The following SOS1 variants were observed in gnomAD, a reference collection of about 807,000 sequenced individuals.
SOS1 encodes son of sevenless homolog 1.
SOS1 carries 25 observed loss-of-function variants against 157.6 expected under a neutral mutation model. The ratio of observed to expected loss-of-function variants is 0.16; its 90% confidence interval spans 0.12 to 0.22. The LOEUF is 0.22. Ranked by LOEUF, SOS1 falls within the 10% of genes least tolerant of loss-of-function variation. The pLI, the probability that SOS1 is intolerant of heterozygous loss-of-function variation, is 1.00. For missense variants in SOS1, 1,237 were observed against 1,599.1 expected (o/e 0.77, Z 3.86); for synonymous variants, 528 against 534.0 (o/e 0.99, Z 0.16).
chr2:39,116,372 ACTT>A (rs1673650519), intron 1 of SOS1, among the ~76,000 whole-genome samples: 1 of 152,082 alleles, frequency 6.6e-6, no homozygotes, highest in Non-Finnish European at 1.5e-5. Flanking sequence ...TGCCTTGTAA[ACTT>A]CTTTCAAATA....
rs117046515 is a variant in SOS1, at chr2:39,108,112, A to G, written c.87+12224T>C. Among the ~76,000 whole-genome samples the G allele has an allele frequency of 1.8e-3, 268 of 152,196 alleles. 3 individuals are homozygous for G. In the East Asian group the frequency reaches 0.022, roughly 13 times the overall value. The stretch of plus-strand genomic sequence containing the variant: ...AGACACCTCAGTCAGAAACCTGGGA[A>G]TCCTCTCACTGCCCTGCTCAATTCA... On this transcript the variant is annotated intron_variant, in intron 1 of 22. Coordinates refer to ENST00000402219, the MANE Select transcript of SOS1 (RefSeq NM_005633.4).
intron 15 of SOS1, among the ~76,000 whole-genome samples, chr2:39,008,101 G>C (rs1215393918): frequency 6.6e-6 from 1 of 152,180 alleles, no homozygotes; most frequent in Non-Finnish European, 1.5e-5. Flanking sequence ...TGTCCCTGCT[G>C]CCTGTTGCTG....
chr2:39,001,980 A>T (rs1177546340), intron 17 of SOS1, among the ~76,000 whole-genome samples: 1 of 152,212 alleles, frequency 6.6e-6, no homozygotes, highest in African/African-American at 2.4e-5. Context: ...CACCTTATGA[A>T]ATCATACTCT....
intron 8 of SOS1, among the ~76,000 whole-genome samples, chr2:39,026,341 T>A (rs1414862790): frequency 7.8e-6 from 1 of 128,514 alleles, no homozygotes; most frequent in Non-Finnish European, 1.6e-5. Context: ...GGCAACAGAG[T>A]GAGACTCCGT....
intron 1 of SOS1, among the ~76,000 whole-genome samples, chr2:39,074,595 C>T (rs1436103702): frequency 6.6e-6 from 1 of 152,058 alleles, no homozygotes; most frequent in Non-Finnish European, 1.5e-5. Context: ...TGGCTGGGCA[C>T]GGTGGCTCAT....
chr2:39,111,530 C>A (rs1349877610), intron 1 of SOS1, among the ~76,000 whole-genome samples: 2 of 152,068 alleles, frequency 1.3e-5, no homozygotes, highest in Admixed American at 1.3e-4. Context: ...GTAGTTGCCA[C>A]TTTTACTATT....
intron 12 of SOS1, 33 bp downstream of exon 12, chr2:39,013,832 TAA>T: frequency 6.3e-7 from 1 of 1,589,220 alleles, no homozygotes; most frequent in South Asian, 1.1e-5. Context: ...GAAAGTTTGA[TAA>T]AGACTTATTT....
intron 1 of SOS1, among the ~76,000 whole-genome samples, chr2:39,072,941 T>C (rs960408388): frequency 5.3e-5 from 8 of 152,054 alleles, no homozygotes; most frequent in Non-Finnish European, 1.2e-4. Flanking sequence ...GCAAGCAGAG[T>C]ACCAACTCCT....
chr2:39,046,783 G>C (rs1160317539), intron 6 of SOS1, among the ~76,000 whole-genome samples: 1 of 152,086 alleles, frequency 6.6e-6, no homozygotes, highest in Admixed American at 6.6e-5. Context: ...GATTACAGGT[G>C]CAAGCCACCG....
At chr2:39,106,094 C>A (rs1435822279) in intron 1 of SOS1, among the ~76,000 whole-genome samples, 1 of 151,660 alleles carries the variant, frequency 6.6e-6, no homozygotes, top group East Asian at 1.9e-4. Flanking sequence ...GTGGTACGTG[C>A]CTGTGGTCCC....
intron 17 of SOS1, among the ~76,000 whole-genome samples, chr2:39,004,863 GA>G (rs530063122): frequency 9.5e-5 from 14 of 147,392 alleles, no homozygotes; most frequent in Admixed American, 2.0e-4. Flanking sequence ...TAATAGAAAT[GA>G]AAAAAAAAAG....
intron 1 of SOS1, among the ~76,000 whole-genome samples, chr2:39,098,648 G>C (rs1208162020): frequency 6.6e-6 from 1 of 152,230 alleles, no homozygotes; most frequent in Non-Finnish European, 1.5e-5. Flanking sequence ...CCAGCACTTT[G>C]GGAGGCCGAG....
At chr2:39,066,252 C>T (rs1671584541) in intron 2 of SOS1, among the ~76,000 whole-genome samples, 1 of 152,176 alleles carries the variant, frequency 6.6e-6, no homozygotes, top group African/African-American at 2.4e-5. Flanking sequence ...TTTACAATTC[C>T]CTTGCCCTGC....
At chr2:39,081,915 T>A (rs942179863) in intron 1 of SOS1, among the ~76,000 whole-genome samples, 4 of 152,276 alleles carry the variant, frequency 2.6e-5, no homozygotes, top group African/African-American at 9.6e-5. Context: ...AACCAATTTT[T>A]AAAAAAAATT....
In SOS1 at chr2:39,012,260, A is replaced by C. The variant is rs1226577240; in HGVS notation, c.2256T>G (p.Ile752Met). 1 of 1,613,390 alleles carries C rather than the reference A, an allele frequency of 6.2e-7. No homozygotes were observed. The highest frequency in any genetic ancestry group is 8.5e-7 in the Non-Finnish European group (1 of 1,179,464). ...IARDNGPGHN[I>M]TFQSSPPTVE... ...CTGTGGGAGGTGAACTCTGAAATGTAATATTATGACCTGGTCCATTGTCTC... is the reference window on the plus strand; with the variant it reads ...CTGTGGGAGGTGAACTCTGAAATGTCATATTATGACCTGGTCCATTGTCTC... The change falls in exon 14 of 23, where the codon ATT (isoleucine) becomes ATG (methionine). Residue 752 changes from isoleucine to methionine, a missense_variant. Transcript: ENST00000402219.
intron 2 of SOS1, among the ~76,000 whole-genome samples, chr2:39,060,724 C>T (rs1397202569): frequency 2.0e-5 from 3 of 152,108 alleles, no homozygotes; most frequent in African/African-American, 4.8e-5. Flanking sequence ...TGTGCCCGGC[C>T]TGTTTTATTT....
Position 39,012,370 on chromosome 2 carries a change from A to G in SOS1, c.2168-22T>C, listed in dbSNP as rs753519724. ...TTACCTGCAATACATTATATTTTAA[A>G]TAACATTTAAATATTCTTTATTTAA... On this transcript the variant is annotated intron_variant, in intron 13 of 22. Coordinates refer to ENST00000402219, the MANE Select transcript of SOS1 (RefSeq NM_005633.4). The G allele has an allele frequency of 3.0e-5, 35 of 1,172,802 alleles. No homozygotes were observed. In the African/African-American group the frequency reaches 5.4e-4, roughly 18 times the overall value. The allele number at this position is 1,172,802 out of a possible 1,614,324, so 72.6% of individuals were successfully genotyped here.
At chr2:39,079,487 ATTTT>A (rs1201929648) in intron 1 of SOS1, among the ~76,000 whole-genome samples, 29 of 82,704 alleles carry the variant, frequency 3.5e-4, no homozygotes, top group Middle Eastern at 6.9e-3. Flanking sequence ...AAGTGTTCGA[ATTTT>A]TTTTTTTTTT....
Position 38,985,889 on chromosome 2 carries a change from C to G in SOS1, c.3937G>C (p.Glu1313Gln). 2 of 1,613,790 alleles carry G rather than the reference C, an allele frequency of 1.2e-6. No homozygotes were observed. The highest frequency in any genetic ancestry group is 1.7e-6 in the Non-Finnish European group (2 of 1,179,846). Reference protein sequence around the residue: ...PKLPPKTYKREHTHPSMHRDG... With the variant: ...PKLPPKTYKRQHTHPSMHRDG... ...CTGTGCATGGATGGGTGTGTGTGCT[C>G]CCTTTTGTAAGTTTTTGGAGGGAGT... Residue 1313 changes from glutamate (E) to glutamine (Q), a missense_variant, in exon 23 of 23, where the codon GAG (glutamate) becomes CAG (glutamine). This residue lies in a region of SOS1 where 306 missense variants were observed against 322.6 expected (regional missense o/e 0.95). Transcript: ENST00000402219.
Sources: allele counts gnomAD v4.1 joint callset (sites outside exome capture counted in the v4.1 genomes callset), GRCh38; gene constraint gnomAD v4.1.1; regional missense constraint gnomAD v4.1.1; transcripts MANE v1.5; gene names NCBI Gene and HGNC (gene_info 2026-07-23, HGNC 2026-07-21).